GRIK2: variants seen among roughly 807,000 people sequenced by gnomAD.
GRIK2 encodes glutamate receptor ionotropic, kainate 2.
Under a neutral mutation model 100.3 loss-of-function variants are expected in GRIK2, and 32 were observed. The observed-to-expected ratio is 0.32, with a 90% CI of 0.24 to 0.43. The LOEUF is 0.43. Among genes scored for constraint, GRIK2 ranks in the 20% least tolerant of loss-of-function variants. GRIK2 has a pLI of 1.00. For synonymous variants in GRIK2, 417 were observed against 389.4 expected, an observed-to-expected ratio of 1.07 and a Z score of -0.83; for missense variants, 843 against 1,114.9, an observed-to-expected ratio of 0.76 and a Z score of 3.47.
rs189629277 is a variant in GRIK2 at position 101,999,683 on chromosome 6, T to G, written c.2086-35658T>G. ...CAATCCAAATGACTATATAAGTTTTTTGTGCCTTACTGTATTGACTGGAAA... is the reference window on the plus strand; with the variant it reads ...CAATCCAAATGACTATATAAGTTTTGTGTGCCTTACTGTATTGACTGGAAA... On this transcript the variant is annotated intron_variant, in intron 14 of 16. Transcript: ENST00000369134. Among the ~76,000 whole-genome samples, 51 of 152,202 alleles carry G rather than the reference T, an allele frequency of 3.4e-4. 1 individual carries two copies. Among genetic ancestry groups the G allele is most frequent in the African/African-American group, 1.2e-3 (48 of 41,560 alleles).
chr6:101,489,727 T>C (rs1773008043), intron 2 of GRIK2, among the ~76,000 whole-genome samples: 1 of 146,248 alleles, frequency 6.8e-6, no homozygotes, highest in South Asian at 2.2e-4. Flanking sequence ...TTTTAAGGAC[T>C]CCAGATAAGC....
intron 14 of GRIK2, among the ~76,000 whole-genome samples, chr6:101,945,910 GTTTTT>G (rs66532199): frequency 1.5e-5 from 2 of 131,438 alleles, no homozygotes; most frequent in African/African-American, 5.5e-5. Flanking sequence ...TCTATCTACT[GTTTTT>G]TTTTTTTTTT....
chr6:101,548,700 T>C (rs1267908982), intron 2 of GRIK2, among the ~76,000 whole-genome samples: 1 of 152,328 alleles, frequency 6.6e-6, no homozygotes, highest in East Asian at 1.9e-4. Flanking sequence ...CACTGTATCA[T>C]GATCATGATC....
At chr6:101,599,037 A>C (rs1175804108) in intron 2 of GRIK2, among the ~76,000 whole-genome samples, 1 of 151,586 alleles carries the variant, frequency 6.6e-6, no homozygotes, top group Non-Finnish European at 1.5e-5. Context: ...AGTATCCAAC[A>C]GTTAGTTTTT....
intron 7 of GRIK2, among the ~76,000 whole-genome samples, chr6:101,724,186 A>G (rs939400249): frequency 1.4e-5 from 2 of 138,918 alleles, no homozygotes; most frequent in African/African-American, 5.8e-5. Flanking sequence ...TCTTTATAAA[A>G]AAAAAAATTT....
intron 7 of GRIK2, among the ~76,000 whole-genome samples, chr6:101,786,038 G>C (rs1466673553): frequency 6.6e-6 from 1 of 151,874 alleles, no homozygotes; most frequent in African/African-American, 2.4e-5. Context: ...CATCTCCTTA[G>C]TTAAATTTAT....
At chr6:102,022,423 A>T (rs1769477487) in intron 14 of GRIK2, among the ~76,000 whole-genome samples, 1 of 151,728 alleles carries the variant, frequency 6.6e-6, no homozygotes, top group Non-Finnish European at 1.5e-5. Flanking sequence ...TTTCCTAGTT[A>T]CTTTTGCATA....
chr6:101,816,754 G>A (rs1781656990), intron 9 of GRIK2, among the ~76,000 whole-genome samples: 1 of 152,004 alleles, frequency 6.6e-6, no homozygotes, highest in Non-Finnish European at 1.5e-5. Context: ...CAGGTCAACA[G>A]GCATTCTAGT....
intron 2 of GRIK2, among the ~76,000 whole-genome samples, chr6:101,558,690 A>T (rs1304823106): frequency 7.9e-5 from 8 of 101,118 alleles, no homozygotes; most frequent in South Asian, 2.9e-4. Context: ...TTCTATGTTG[A>T]CTGCTAGTTT....
intron 2 of GRIK2, among the ~76,000 whole-genome samples, chr6:101,450,073 G>C (rs186082409): frequency 6.6e-6 from 1 of 151,360 alleles, no homozygotes; most frequent in Non-Finnish European, 1.5e-5. Flanking sequence ...AAAATATTAC[G>C]GAGTCTGTTG....
rs376035501 is a variant in GRIK2, at chr6:102,035,577, T to G, written c.2311+11T>G. 1.4e-6 allele frequency: 2 copies of G among 1,427,988 alleles called. No homozygotes were observed. Among genetic ancestry groups the G allele is most frequent in the Non-Finnish European group, 2.0e-6 (2 of 1,012,850 alleles). The allele number at this position is 1,427,988 out of a possible 1,614,324, so 88.5% of individuals were successfully genotyped here. A position where few individuals can be genotyped will look rare whatever the true frequency, so the allele number is the denominator to read the frequency against. On this transcript the variant is annotated intron_variant, in intron 15 of 16. Coordinates refer to ENST00000369134, the MANE Select transcript of GRIK2 (RefSeq NM_021956.5). ...TTGGCACTCCCATGGGTAGGTTATA[T>G]GTCAGCTCTTTGTTCTTTGTTCATT... is the stretch of plus-strand genomic sequence containing the variant.
chr6:101,842,580 T>C (rs1395734203), intron 10 of GRIK2, among the ~76,000 whole-genome samples: 1 of 152,218 alleles, frequency 6.6e-6, no homozygotes, highest in African/African-American at 2.4e-5. Flanking sequence ...GCAGAGTATT[T>C]TCTTTAAAAT....
In GRIK2 at chr6:101,981,608, G is replaced by A. The variant is rs115432927; in HGVS notation, c.2085+52976G>A. On this transcript the variant is annotated intron_variant, in intron 14 of 16. Coordinates refer to ENST00000369134, the MANE Select transcript of GRIK2 (RefSeq NM_021956.5). ...AAAAGAAAGTTAGTACAACGATGAC[G>A]CACTTTTTCTAGGAATTCAAAAAAT... 3.7e-3 allele frequency among the ~76,000 whole-genome samples: 562 copies of A among 151,894 alleles called. 2 individuals carry two copies. Among genetic ancestry groups the A allele is most frequent in the African/African-American group, 0.013 (531 of 41,478 alleles).
chr6:101,446,957 A>G (rs1247081938), intron 2 of GRIK2, among the ~76,000 whole-genome samples: 2 of 133,918 alleles, frequency 1.5e-5, no homozygotes, highest in African/African-American at 5.5e-5. Flanking sequence ...GTGTGTATAT[A>G]TGCTTATATA....
At chr6:101,609,246 C>T (rs548577963) in intron 2 of GRIK2, among the ~76,000 whole-genome samples, 129 of 151,738 alleles carry the variant, frequency 8.5e-4, no homozygotes, top group African/African-American at 2.8e-3. Context: ...TTACATTTTC[C>T]CTGGACAATT....
At chr6:101,777,935 C>T (rs747807205) in intron 7 of GRIK2, among the ~76,000 whole-genome samples, 1 of 152,154 alleles carries the variant, frequency 6.6e-6, no homozygotes, top group Non-Finnish European at 1.5e-5. Flanking sequence ...TTCACTGTAC[C>T]TCTGGGGGGT....
intron 2 of GRIK2, among the ~76,000 whole-genome samples, chr6:101,454,436 A>C (rs1373035757): frequency 6.6e-6 from 1 of 152,086 alleles, no homozygotes; most frequent in East Asian, 1.9e-4. Flanking sequence ...CCCTCCCATG[A>C]GTATAGACAA....
intron 2 of GRIK2, among the ~76,000 whole-genome samples, chr6:101,592,604 T>C (rs1163845826): frequency 8.9e-6 from 1 of 111,920 alleles, no homozygotes; most frequent in African/African-American, 4.2e-5. Context: ...TATATATATA[T>C]ATATATATAT....
chr6:101,721,899 T>C (rs771318656), intron 7 of GRIK2, among the ~76,000 whole-genome samples: 6 of 152,076 alleles, frequency 3.9e-5, no homozygotes, highest in Non-Finnish European at 7.4e-5. Flanking sequence ...AATTTCAATA[T>C]GTTTCATGCT....
Sources: gnomAD v4.1 joint callset for allele counts (sites outside exome capture counted in the v4.1 genomes callset) on GRCh38, gnomAD v4.1.1 for gene constraint, MANE v1.5 for transcripts, NCBI Gene and HGNC (gene_info 2026-07-23, HGNC 2026-07-21) for gene names.